SAMD12: variants seen among roughly 807,000 people sequenced by gnomAD.
SAMD12 encodes sterile alpha motif domain-containing protein 12.
Under a neutral mutation model 15.0 loss-of-function variants are expected in SAMD12, and 9 were observed. That is an observed-to-expected ratio of 0.60 (90% CI 0.36 to 1.05). The LOEUF (loss-of-function observed/expected upper bound fraction) is 1.05. SAMD12 is among the 50% of genes least tolerant of loss of function. SAMD12 has a pLI of 0.01. For synonymous variants in SAMD12, 86 were observed against 90.1 expected, an observed-to-expected ratio of 0.96 and a Z score of 0.25; for missense variants, 230 against 234.2, an observed-to-expected ratio of 0.98 and a Z score of 0.12.
At chr8:118,619,498 T>A (rs928245642) in intron 1 of SAMD12, among the ~76,000 whole-genome samples, 14 of 94,924 alleles carry the variant, frequency 1.5e-4, no homozygotes, top group South Asian at 3.5e-4. Context: ...AAAAAAAAAA[T>A]CTCCCATCCT....
At chr8:118,592,140 G>A (rs1827598101) in intron 1 of SAMD12, among the ~76,000 whole-genome samples, 1 of 152,158 alleles carries the variant, frequency 6.6e-6, no homozygotes, top group African/African-American at 2.4e-5. Context: ...TGACCAACAT[G>A]GAGAAACCCT....
intron 1 of SAMD12, among the ~76,000 whole-genome samples, chr8:118,586,321 A>G (rs1373217528): frequency 2.0e-5 from 3 of 152,002 alleles, no homozygotes; most frequent in African/African-American, 7.3e-5. Flanking sequence ...TAAGCAATAA[A>G]AACACTTCTC....
chr8:118,469,893 C>T (rs1329993790), intron 2 of SAMD12, among the ~76,000 whole-genome samples: 3 of 151,944 alleles, frequency 2.0e-5, no homozygotes, highest in Non-Finnish European at 4.4e-5. Flanking sequence ...GTTATTTCAA[C>T]ATTAATTGCA....
rs1224538383 is a variant in SAMD12 at position 118,320,094 on chromosome 8, AAG to A, written c.433+59464_433+59465del. 2.6e-5 allele frequency among the ~76,000 whole-genome samples: 4 copies of A among 152,328 alleles called. No individual in the cohort carries two copies. In the East Asian group the frequency reaches 7.7e-4, roughly 29 times the overall value. On this transcript the variant is annotated intron_variant, in intron 4 of 4. Transcript: ENST00000409003. ...AGAGTGAATTTCCTGAAGCTGAAGC[AAG>A]AGAGCCCCTTGAAGAAATAAAGCGA... is the stretch of plus-strand genomic sequence containing the variant.
intron 4 of SAMD12, among the ~76,000 whole-genome samples, chr8:118,262,247 TCA>T (rs1813098201): frequency 6.6e-6 from 1 of 152,092 alleles, no homozygotes; most frequent in Non-Finnish European, 1.5e-5. Flanking sequence ...GTTTGACTTT[TCA>T]CAGTCTGTCC....
intron 2 of SAMD12, among the ~76,000 whole-genome samples, chr8:118,475,216 G>C (rs1332408913): frequency 6.6e-6 from 1 of 152,152 alleles, no homozygotes; most frequent in Non-Finnish European, 1.5e-5. Flanking sequence ...TCCAGCCTGG[G>C]TGACAGAGTG....
At chr8:118,334,489 C>A in intron 4 of SAMD12, among the ~76,000 whole-genome samples, 1 of 152,188 alleles carries the variant, frequency 6.6e-6, no homozygotes, top group East Asian at 1.9e-4. Context: ...CCCTCTCCTC[C>A]CTTACCCTCC....
At chr8:118,499,507 T>C (rs1385979760) in intron 2 of SAMD12, among the ~76,000 whole-genome samples, 1 of 152,234 alleles carries the variant, frequency 6.6e-6, no homozygotes, top group African/African-American at 2.4e-5. Flanking sequence ...AGTTACATGG[T>C]AATAATACCT....
intron 4 of SAMD12, among the ~76,000 whole-genome samples, chr8:118,244,784 A>G (rs1279125727): frequency 6.6e-6 from 1 of 152,058 alleles, no homozygotes; most frequent in East Asian, 1.9e-4. Context: ...GCCCAGAAGG[A>G]AAGTAGAGCG....
At chr8:118,171,932 A>G in the SAMD12 span, among the ~76,000 whole-genome samples, 1 of 152,206 alleles carries the variant, frequency 6.6e-6, no homozygotes, top group South Asian at 2.1e-4. Context: ...GCCATAAAAA[A>G]GGATGAGTTC....
intron 2 of SAMD12, among the ~76,000 whole-genome samples, chr8:118,444,297 A>C (rs1822841097): frequency 6.6e-6 from 1 of 150,706 alleles, no homozygotes; most frequent in African/African-American, 2.5e-5. Flanking sequence ...CCCTGGAGAC[A>C]ATTTTGGTTT....
At chr8:118,574,647 T>C (rs187599392) in intron 2 of SAMD12, among the ~76,000 whole-genome samples, 130 of 152,354 alleles carry the variant, frequency 8.5e-4, no homozygotes, top group Non-Finnish European at 1.4e-3. Flanking sequence ...CCTCTTCGGA[T>C]ATAAGTTTAC....
intron 4 of SAMD12, chr8:118,284,187 TAA>T: frequency 1.1e-5 from 5 of 435,208 alleles, no homozygotes; most frequent in African/African-American, 4.1e-5. Flanking sequence ...TTGCCCACCT[TAA>T]TGATAAAATG....
Position 118,395,996 on chromosome 8 carries a change from GTTT to G in SAMD12, c.323-16299_323-16297del, listed in dbSNP as rs751110841. ...AAGAGAAAGTTGAAGAAAAAAGTGA[GTTT>G]TTTTGTATAATTTTCTCTTCTGATT... On this transcript the variant is annotated intron_variant, in intron 3 of 3. Transcript: ENST00000314727. Among the ~76,000 whole-genome samples the G allele has an allele frequency of 6.6e-5, 10 of 151,934 alleles. No individual in the cohort carries two copies. The South Asian group carries it at 2.1e-3, about 32-fold the overall frequency.
chr8:118,608,239 C>T (rs1322000551), intron 1 of SAMD12, among the ~76,000 whole-genome samples: 1 of 151,682 alleles, frequency 6.6e-6, no homozygotes, highest in Non-Finnish European at 1.5e-5. Flanking sequence ...TTGCCAAGCC[C>T]AGGCAAGGTG....
At chr8:118,266,869 T>TA (rs1225689200) in intron 4 of SAMD12, among the ~76,000 whole-genome samples, 1 of 151,970 alleles carries the variant, frequency 6.6e-6, no homozygotes, top group Non-Finnish European at 1.5e-5. Context: ...GGTCAAATGA[T>TA]AAAAAATTTA....
At chr8:118,410,138 T>C (rs997100083) in intron 3 of SAMD12, among the ~76,000 whole-genome samples, 21 of 152,184 alleles carry the variant, frequency 1.4e-4, no homozygotes, top group African/African-American at 5.1e-4. Context: ...TATTTATTGA[T>C]AAAGAGTATA....
chr8:118,267,467 G>T (rs965713363), intron 4 of SAMD12, among the ~76,000 whole-genome samples: 21 of 152,098 alleles, frequency 1.4e-4, no homozygotes, highest in African/African-American at 4.6e-4. Context: ...CCAAGCTGGG[G>T]TACATCATTT....
chr8:118,413,320 C>T lies in SAMD12; in HGVS notation c.322+26512G>A, dbSNP rs567904242. Among the ~76,000 whole-genome samples the T allele has an allele frequency of 4.6e-5, 7 of 152,262 alleles. No individual in the cohort carries two copies. The East Asian group carries it at 1.3e-3, about 29-fold the overall frequency. On this transcript the variant is annotated intron_variant, in intron 3 of 3. Transcript: ENST00000314727. ...CAATAAAGATTTTTATTGCAAGGTG[C>T]TTTCCTCATAAAAACACTGTGTTTC... is the stretch of plus-strand genomic sequence containing the variant.
Sources: gnomAD v4.1 joint callset for allele counts (sites outside exome capture counted in the v4.1 genomes callset) on GRCh38, gnomAD v4.1.1 for gene constraint, MANE v1.5 for transcripts, NCBI Gene and HGNC (gene_info 2026-07-23, HGNC 2026-07-21) for gene names.